UTRN: variants seen among roughly 807,000 people sequenced by gnomAD.
The protein encoded by UTRN is dystrophin-related protein 1.
In UTRN, 283 loss-of-function variants were observed where a neutral mutation model predicts 463.9. The observed-to-expected ratio is 0.61, with a 90% CI of 0.55 to 0.67. The LOEUF is 0.67. Ranked by LOEUF, UTRN falls within the 30% of genes least tolerant of loss-of-function variation. The pLI, the probability that UTRN is intolerant of heterozygous loss-of-function variation, is 0.00. For synonymous variants in UTRN, 1,442 were observed against 1,431.5 expected (o/e 1.01, Z -0.17); for missense variants, 3,922 against 4,084.3 (o/e 0.96, Z 1.08).
intron 53 of UTRN, among the ~76,000 whole-genome samples, chr6:144,721,713 T>G (rs750756907): frequency 6.6e-6 from 1 of 152,214 alleles, no homozygotes; most frequent in Non-Finnish European, 1.5e-5. Context: ...TTTGGGATTT[T>G]GGAATATTTG....
At chr6:144,746,436 C>T (rs1398579882) in intron 54 of UTRN, among the ~76,000 whole-genome samples, 1 of 152,086 alleles carries the variant, frequency 6.6e-6, no homozygotes, top group Non-Finnish European at 1.5e-5. Flanking sequence ...TCTCTGGGCT[C>T]CTAGACAGTT....
intron 51 of UTRN, among the ~76,000 whole-genome samples, chr6:144,677,238 G>A (rs888084621): frequency 1.3e-5 from 2 of 152,012 alleles, no homozygotes; most frequent in African/African-American, 2.4e-5. Flanking sequence ...CATACATTAG[G>A]TATTTGTCCT....
At chr6:144,753,742 G>A (rs763197562) in intron 56 of UTRN, among the ~76,000 whole-genome samples, 16 of 150,834 alleles carry the variant, frequency 1.1e-4, no homozygotes, top group African/African-American at 2.4e-4. Flanking sequence ...TTGCACATGC[G>A]TGTAGTCCCA....
intron 9 of UTRN, among the ~76,000 whole-genome samples, chr6:144,434,379 G>T (rs1301086810): frequency 3.3e-5 from 5 of 151,976 alleles, no homozygotes; most frequent in Non-Finnish European, 7.4e-5. Context: ...AAGTTTTGAA[G>T]GAAGGTCAGA....
chr6:144,664,037 A>G (rs1263300163), intron 51 of UTRN, among the ~76,000 whole-genome samples: 1 of 152,206 alleles, frequency 6.6e-6, no homozygotes, highest in Non-Finnish European at 1.5e-5. Flanking sequence ...GGACATTTTC[A>G]ATGACAACTG....
chr6:144,638,902 GATCTCT>G (rs1214236987), intron 51 of UTRN, among the ~76,000 whole-genome samples: 3 of 151,832 alleles, frequency 2.0e-5, no homozygotes, highest in Non-Finnish European at 4.4e-5. Context: ...ACGAGACCCC[GATCTCT>G]AAGAAATTTT....
intron 3 of UTRN, among the ~76,000 whole-genome samples, chr6:144,411,404 C>T (rs375348089): frequency 6.6e-6 from 1 of 152,180 alleles, no homozygotes; most frequent in South Asian, 2.1e-4. Context: ...TTCTTTTTTA[C>T]TTGCTAATTT....
intron 41 of UTRN, among the ~76,000 whole-genome samples, chr6:144,528,762 G>A (rs528506167): frequency 6.6e-6 from 1 of 152,304 alleles, no homozygotes; most frequent in East Asian, 1.9e-4. Flanking sequence ...AAGTTCGCTG[G>A]TTTTCTGTTG....
Position 144,403,228 on chromosome 6 carries a change from T to C in UTRN, c.141+44T>C, listed in dbSNP as rs772999603. ...AACTTCGATGGTTCAGATGCCGCAT[T>C]CTGATTGAAGGAGTTTGGTTGGAAG... On this transcript the variant is annotated intron_variant, in intron 3 of 74. Transcript: ENST00000367545. The C allele has an allele frequency of 1.9e-6, 3 of 1,571,604 alleles. No homozygotes were observed. In the Admixed American group the frequency reaches 5.1e-5, roughly 27 times the overall value.
At chr6:144,751,688 A>G in intron 55 of UTRN, 118 bp from the exon 56 acceptor site, 1 of 983,192 alleles carries the variant, frequency 1.0e-6, no homozygotes, top group Non-Finnish European at 1.4e-6. Context: ...AGTTTGGTTG[A>G]GAAAAATCTG....
intron 51 of UTRN, among the ~76,000 whole-genome samples, chr6:144,639,244 A>G (rs531885201): frequency 3.9e-5 from 6 of 152,186 alleles, no homozygotes; most frequent in East Asian, 1.9e-4. Context: ...CTCTCCTTCA[A>G]GTGTCCTCAC....
intron 37 of UTRN, among the ~76,000 whole-genome samples, chr6:144,516,009 C>T (rs1042679251): frequency 1.1e-4 from 17 of 152,176 alleles, no homozygotes; most frequent in African/African-American, 2.7e-4. Flanking sequence ...TGCAATACTA[C>T]GTCACATCCC....
chr6:144,782,441 G>A (rs1028250514), intron 61 of UTRN, among the ~76,000 whole-genome samples: 4 of 151,912 alleles, frequency 2.6e-5, no homozygotes, highest in African/African-American at 9.7e-5. Flanking sequence ...GTTTCATAAT[G>A]TCTCACAGTA....
intron 30 of UTRN, among the ~76,000 whole-genome samples, chr6:144,489,590 C>A (rs1410104504): frequency 6.6e-6 from 1 of 152,122 alleles, no homozygotes; most frequent in African/African-American, 2.4e-5. Flanking sequence ...TCATACCATG[C>A]AGTGGGCCAT....
chr6:144,293,607 GA>G lies in UTRN; in HGVS notation c.79+1704del, dbSNP rs1422187359. ...ATTGATCACAGTATCATTTATAATA[GA>G]AAACATTGTAAACACCATGAAAATC... On this transcript the variant is annotated intron_variant, in intron 2 of 74. Coordinates refer to ENST00000367545, the MANE Select transcript of UTRN (RefSeq NM_007124.3). Among the ~76,000 whole-genome samples the G allele has an allele frequency of 2.6e-5, 4 of 152,130 alleles. No individual in the cohort carries two copies. The East Asian group carries it at 7.7e-4, about 29-fold the overall frequency.
intron 52 of UTRN, among the ~76,000 whole-genome samples, chr6:144,686,340 C>T (rs1334064160): frequency 1.3e-5 from 2 of 152,074 alleles, no homozygotes; most frequent in Non-Finnish European, 2.9e-5. Context: ...GTTCCATATG[C>T]TGATGAGAGG....
chr6:144,610,525 A>G (rs1366926047), intron 51 of UTRN, among the ~76,000 whole-genome samples: 3 of 152,322 alleles, frequency 2.0e-5, no homozygotes, highest in Middle Eastern at 3.4e-3. Context: ...AAGCTTTTCT[A>G]GAAAATCAAA....
chr6:144,318,930 T>A (rs1775454975), intron 2 of UTRN, among the ~76,000 whole-genome samples: 1 of 152,072 alleles, frequency 6.6e-6, no homozygotes, highest in Admixed American at 6.5e-5. Context: ...ATTAGCTGGG[T>A]GTGATGCCAG....
intron 2 of UTRN, among the ~76,000 whole-genome samples, chr6:144,389,549 G>C (rs1465567577): frequency 6.6e-6 from 1 of 150,470 alleles, no homozygotes; most frequent in Non-Finnish European, 1.5e-5. Context: ...CATTCTTTAA[G>C]TTACCAAAGT....
Sources: gnomAD v4.1 joint callset for allele counts (sites outside exome capture counted in the v4.1 genomes callset) on GRCh38, gnomAD v4.1.1 for gene constraint, MANE v1.5 for transcripts, NCBI Gene and HGNC (gene_info 2026-07-23, HGNC 2026-07-21) for gene names.